The following PTPRJ variants were observed in gnomAD, a reference collection of about 807,000 sequenced individuals.
The protein encoded by PTPRJ is protein tyrosine phosphatase receptor type J, also known as receptor-type tyrosine-protein phosphatase eta.
A neutral mutation model predicts 141.3 loss-of-function variants in PTPRJ; 129 were observed. That is an observed-to-expected ratio of 0.91 (90% CI 0.79 to 1.06). The LOEUF (loss-of-function observed/expected upper bound fraction) is 1.06, where lower values mean the gene tolerates loss of function less well. Among genes scored for constraint, PTPRJ ranks in the 50% least tolerant of loss-of-function variants. The pLI is 0.00. For missense variants in PTPRJ, 1,601 were observed against 1,679.7 expected, an observed-to-expected ratio of 0.95 and a Z score of 0.82; for synonymous variants, 610 against 640.5, an observed-to-expected ratio of 0.95 and a Z score of 0.72.
Position 47,980,971 on chromosome 11 carries a change from C to CGCTGCCGCT in PTPRJ, c.65_73dup (p.Pro22_Leu24dup), listed in dbSNP as rs778205748. On this transcript the variant is annotated inframe_insertion, in exon 1 of 25. Coordinates refer to ENST00000418331, the MANE Select transcript of PTPRJ (RefSeq NM_002843.4). ...CCGCGCTCGCCCGGGCTGCGCTGGG[C>CGCTGCCGCT]GCTGCCGCTGCTGCTGCTGCTGCTG... The CGCTGCCGCT allele has an allele frequency of 5.0e-6, 6 of 1,188,362 alleles. No homozygotes were observed. The South Asian group carries it at 1.7e-4, about 34-fold the overall frequency. 73.6% of individuals were successfully genotyped at this position (1,188,362 alleles called of 1,614,324 possible).
intron 1 of PTPRJ, among the ~76,000 whole-genome samples, chr11:48,056,032 G>A (rs1280693110): frequency 6.6e-6 from 1 of 152,196 alleles, no homozygotes; most frequent in African/African-American, 2.4e-5. Context: ...GAGGAAGTGG[G>A]TTTTCAGGTT....
rs1359772044 is a variant in PTPRJ at position 48,169,620 on chromosome 11, C to A, written c.*2258C>A. ...AACCATTGTGATGGGTGGCAAATCC[C>A]AGGGAGCTCCTAAGCCCTGCTCTGC... On this transcript the variant is annotated 3_prime_UTR_variant, in exon 25 of 25. Coordinates refer to ENST00000418331, the MANE Select transcript of PTPRJ (RefSeq NM_002843.4). 1.3e-5 allele frequency: 2 copies of A among 152,172 alleles called. No individual in the cohort carries two copies. The highest frequency in any genetic ancestry group is 4.8e-5 in the African/African-American group (2 of 41,428). 9.4% of individuals were successfully genotyped at this position (152,172 alleles called of 1,614,324 possible).
chr11:48,112,891 G>A lies in PTPRJ; in HGVS notation c.260G>A (p.Gly87Asp). The change falls in exon 3 of 25, where the codon GGT becomes GAT. Residue 87 changes from glycine (G) to aspartate (D), a missense_variant. Gly to Asp is a moderately conservative substitution (Grantham distance 94). Coordinates refer to ENST00000418331, the MANE Select transcript of PTPRJ (RefSeq NM_002843.4). ...GTGGAAACAAACACCAGTGAGGATG[G>A]TGAAAGCTCTGGAGCCAACGATAGT... ...PQVETNTSED[G>D]ESSGANDSLR... is the part of the protein sequence containing the mutation. 2 of 1,614,192 alleles carry A rather than the reference G, an allele frequency of 1.2e-6. No individual in the cohort carries two copies. The highest frequency in any genetic ancestry group is 1.7e-6 in the Non-Finnish European group (2 of 1,180,026).
In PTPRJ at chr11:48,160,044, A is replaced by G. The variant is rs1006913200; in HGVS notation, c.3553A>G (p.Lys1185Glu). Reference sequence around the variant, plus strand: ...ATGGACCATCAGAGATTTCACAGTGAAAAATGTAAGTAAGAAGTCAGGATC... The same window carrying G: ...ATGGACCATCAGAGATTTCACAGTGGAAAATGTAAGTAAGAAGTCAGGATC... ...PEWTIRDFTV[K>E]NIQTSESHPL... The change falls in exon 22 of 25, where the codon AAA (lysine) becomes GAA (glutamate). Residue 1185 changes from lysine to glutamate, a missense_variant. Lys to Glu is a moderately conservative substitution (Grantham distance 56). Transcript: ENST00000418331. 4 of 1,613,750 alleles carry G rather than the reference A, an allele frequency of 2.5e-6. No homozygotes were observed. Among genetic ancestry groups the G allele is most frequent in the South Asian group, 1.1e-5 (1 of 91,078 alleles).
chr11:47,980,720 T>TGTGGCC lies in PTPRJ; in HGVS notation c.-191_-186dup. The TGTGGCC allele has an allele frequency of 1.0e-6, 1 of 999,160 alleles. No homozygotes were observed. Among genetic ancestry groups the TGTGGCC allele is most frequent in the Middle Eastern group, 5.0e-4 (1 of 2,002 alleles). The allele number at this position is 999,160 out of a possible 1,614,324, so 61.9% of individuals were successfully genotyped here. A position where few individuals can be genotyped will look rare whatever the true frequency, so the allele number is the denominator to read the frequency against. ...GCGGCAGCCGCGCTAGGCTCCGGCG[T>TGTGGCC]GTGGCCGCGGCCGCCGCCGCCGCTG... is the stretch of plus-strand genomic sequence containing the variant. On this transcript the variant is annotated 5_prime_UTR_variant, in exon 1 of 25. Coordinates refer to ENST00000418331, the MANE Select transcript of PTPRJ (RefSeq NM_002843.4).
At chr11:48,162,856 A>C (rs2134388233) in intron 22 of PTPRJ, among the ~76,000 whole-genome samples, 1 of 152,270 alleles carries the variant, frequency 6.6e-6, no homozygotes, top group South Asian at 2.1e-4. Context: ...TCAGATGTTG[A>C]AATGGATGGT....
chr11:48,047,498 ATT>A (rs58387057), intron 1 of PTPRJ, among the ~76,000 whole-genome samples: 22,692 of 146,590 alleles, frequency 0.15, 1,880 homozygotes, highest in African/African-American at 0.21. Context: ...ACCTATGGTA[ATT>A]TTTTTTTTTT....
At chr11:48,157,279 C>T (rs985441315) in intron 21 of PTPRJ, among the ~76,000 whole-genome samples, 2 of 152,196 alleles carry the variant, frequency 1.3e-5, no homozygotes, top group African/African-American at 4.8e-5. Flanking sequence ...AGCCACCGCC[C>T]CTGGCCAATA....
rs181748920 is a variant in PTPRJ, at chr11:48,088,532, G to A, written c.97-21526G>A. Among the ~76,000 whole-genome samples, 186 of 152,272 alleles carry A rather than the reference G, an allele frequency of 1.2e-3. 1 individual carries two copies. The highest frequency in any genetic ancestry group is 1.9e-3 in the Non-Finnish European group (130 of 68,034). On this transcript the variant is annotated intron_variant, in intron 1 of 24. Coordinates refer to ENST00000418331, the MANE Select transcript of PTPRJ (RefSeq NM_002843.4). Reference sequence around the variant, plus strand: ...AAACAGCTCCAAACGCTCCTGGCTTGCTGCCACAGGATTGTCCTTGAGACT... The same window carrying A: ...AAACAGCTCCAAACGCTCCTGGCTTACTGCCACAGGATTGTCCTTGAGACT...
At chr11:48,038,543 G>T (rs1309725249) in intron 1 of PTPRJ, among the ~76,000 whole-genome samples, 1 of 151,708 alleles carries the variant, frequency 6.6e-6, no homozygotes, top group African/African-American at 2.4e-5. Context: ...CCAGGCTGGA[G>T]TGCAGTGGCA....
chr11:48,108,336 C>G (rs1590511673), intron 1 of PTPRJ, among the ~76,000 whole-genome samples: 3 of 152,180 alleles, frequency 2.0e-5, no homozygotes, highest in Non-Finnish European at 4.4e-5. Flanking sequence ...TTGGCAGATA[C>G]AGACAGGGAG....
chr11:48,095,486 G>A (rs12292948), intron 1 of PTPRJ, among the ~76,000 whole-genome samples: 2,432 of 152,202 alleles, frequency 0.016, 65 homozygotes, highest in African/African-American at 0.055. Context: ...GGAGGAGAGG[G>A]AGAATATCTT....
At chr11:48,019,811 G>C (rs1199643552) in intron 1 of PTPRJ, among the ~76,000 whole-genome samples, 2 of 152,234 alleles carry the variant, frequency 1.3e-5, no homozygotes, top group Admixed American at 6.5e-5. Flanking sequence ...ATAGGCTGGG[G>C]TAGTGGTTCT....
In PTPRJ at chr11:48,090,459, C is replaced by T. The variant is rs534400094; in HGVS notation, c.97-19599C>T. On this transcript the variant is annotated intron_variant, in intron 1 of 24. Transcript: ENST00000418331. ...GAAGCCACCCCTAAGGAGAAGGCTTCGATGTCATCTTCTGGTCAGAGCCGA... is the reference window on the plus strand; with the variant it reads ...GAAGCCACCCCTAAGGAGAAGGCTTTGATGTCATCTTCTGGTCAGAGCCGA... Among the ~76,000 whole-genome samples, 37 of 152,278 alleles carry T rather than the reference C, an allele frequency of 2.4e-4. 1 individual carries two copies. The highest frequency in any genetic ancestry group is 4.1e-4 in the Non-Finnish European group (28 of 68,018).
intron 1 of PTPRJ, among the ~76,000 whole-genome samples, chr11:47,994,069 C>T (rs1854268138): frequency 6.6e-6 from 1 of 151,776 alleles, no homozygotes; most frequent in Admixed American, 6.6e-5. Flanking sequence ...CCATGTTTTC[C>T]AGGCTGGTCG....
chr11:48,153,671 CTA>C, intron 18 of PTPRJ, 123 bp from the exon 19 acceptor site: 1 of 633,898 alleles, frequency 1.6e-6, no homozygotes, highest in Non-Finnish European at 2.8e-6. Context: ...GGGTAAATTT[CTA>C]TGTTTATTCA....
intron 1 of PTPRJ, among the ~76,000 whole-genome samples, chr11:48,108,889 G>A (rs947222503): frequency 4.6e-5 from 7 of 152,156 alleles, no homozygotes; most frequent in South Asian, 2.1e-4. Context: ...TTCCTGTGCC[G>A]TTTATTGAGT....
intron 1 of PTPRJ, among the ~76,000 whole-genome samples, chr11:48,100,809 G>T (rs192630243): frequency 1.3e-5 from 2 of 151,880 alleles, no homozygotes; most frequent in Non-Finnish European, 2.9e-5. Context: ...TTGAACCTGG[G>T]AGGTGGAGGT....
intron 1 of PTPRJ, among the ~76,000 whole-genome samples, chr11:48,086,455 A>G (rs533343308): frequency 1.1e-4 from 17 of 152,326 alleles, no homozygotes; most frequent in African/African-American, 4.1e-4. Context: ...TACAGGCGTG[A>G]GCCACCGTGC....
Sources: allele counts gnomAD v4.1 joint callset (sites outside exome capture counted in the v4.1 genomes callset), GRCh38; gene constraint gnomAD v4.1.1; transcripts MANE v1.5; gene names NCBI Gene and HGNC (gene_info 2026-07-23, HGNC 2026-07-21).